The following SARAF variants were observed in gnomAD, a reference collection of about 807,000 sequenced individuals.
The protein encoded by SARAF is store-operated calcium entry-associated regulatory factor.
SARAF carries 23 observed loss-of-function variants against 39.7 expected under a neutral mutation model. The ratio of observed to expected loss-of-function variants is 0.58; its 90% CI spans 0.42 to 0.82. The LOEUF (loss-of-function observed/expected upper bound fraction) is 0.82, where lower values mean the gene tolerates loss of function less well. Ranked by LOEUF, SARAF falls within the 40% of genes least tolerant of loss-of-function variation. The pLI, the probability that SARAF is intolerant of heterozygous loss-of-function variation, is 0.00. For missense variants in SARAF, 384 were observed against 418.5 expected (o/e 0.92, Z 0.72); for synonymous variants, 175 against 168.5 (o/e 1.04, Z -0.30).
Position 30,074,019 on chromosome 8 carries a change from A to T in SARAF, c.140T>A (p.Leu47His). The T allele has an allele frequency of 6.2e-7, 1 of 1,613,928 alleles. No individual in the cohort carries two copies. The highest frequency in any genetic ancestry group is 8.5e-7 in the Non-Finnish European group (1 of 1,179,870). Residue 47 changes from leucine (L) to histidine (H), a missense_variant, in exon 2 of 6, where the codon CTC becomes CAC. Coordinates refer to ENST00000256255, the MANE Select transcript of SARAF (RefSeq NM_016127.6). ...MLLRDVKALT[L>H]HYDRYTTSRR... ...GGAGGTGGTATAGCGGTCATAGTGGAGGGTAAGAGCTTTTACATCCCGCAG... is the reference window on the plus strand; with the variant it reads ...GGAGGTGGTATAGCGGTCATAGTGGTGGGTAAGAGCTTTTACATCCCGCAG...
intron 5 of SARAF, among the ~76,000 whole-genome samples, chr8:30,064,790 T>A (rs995877703): frequency 2.6e-5 from 4 of 151,858 alleles, no homozygotes; most frequent in Non-Finnish European, 4.4e-5. Flanking sequence ...CTCGAACTCC[T>A]GACCTCAGGT....
At chr8:30,069,215 C>G (rs1457522777) in intron 3 of SARAF, among the ~76,000 whole-genome samples, 1 of 145,450 alleles carries the variant, frequency 6.9e-6, no homozygotes, top group East Asian at 2.1e-4. Context: ...TCTCGGCTCA[C>G]CGCAACCTCC....
At chr8:30,065,270 T>C (rs1801657878) in intron 5 of SARAF, among the ~76,000 whole-genome samples, 1 of 152,244 alleles carries the variant, frequency 6.6e-6, no homozygotes, top group Non-Finnish European at 1.5e-5. Context: ...AGAGCAAAAC[T>C]GCTCTGTCCT....
At chr8:30,081,834 T>C (rs565825660) in intron 1 of SARAF, among the ~76,000 whole-genome samples, 1 of 152,252 alleles carries the variant, frequency 6.6e-6, no homozygotes, top group African/African-American at 2.4e-5. Context: ...TACGTATTAA[T>C]TGCACGGAAT....
intron 1 of SARAF, among the ~76,000 whole-genome samples, chr8:30,076,905 G>A (rs987911450): frequency 1.3e-5 from 2 of 151,998 alleles, no homozygotes; most frequent in African/African-American, 4.8e-5. Flanking sequence ...CCCAGTCTGT[G>A]GTATTGTGTT....
rs140313706 is a variant in SARAF, at chr8:30,066,137, G to A, written c.845C>T (p.Ala282Val). Residue 282 changes from alanine (A) to valine (V), a missense_variant and splice_region_variant, in exon 5 of 6, where the codon GCG (alanine) becomes GTG (valine). Physicochemically the swap from Ala to Val is moderately conservative, Grantham distance 64 (BLOSUM62 0). Transcript: ENST00000256255. Reference protein sequence around the residue: ...ILGYLFGSNRAATPFSDSWYY... With the variant: ...ILGYLFGSNRVATPFSDSWYY... Reference sequence around the variant, plus strand: ...CCACGAGTCTGAGAAGGGTGTTGCCGCTCTTTAAAGGGATAAAAGTAGGTT... The same window carrying A: ...CCACGAGTCTGAGAAGGGTGTTGCCACTCTTTAAAGGGATAAAAGTAGGTT... 1.5e-4 allele frequency: 249 copies of A among 1,613,334 alleles called. 1 individual carries two copies. The highest frequency in any genetic ancestry group is 2.4e-4 in the South Asian group (22 of 90,994).
Position 30,082,924 on chromosome 8 carries a change from G to A in SARAF, c.26C>T (p.Ala9Val), listed in dbSNP as rs747585156. The A allele has an allele frequency of 2.8e-5, 43 of 1,549,720 alleles. No individual in the cohort carries two copies. The highest frequency in any genetic ancestry group is 3.7e-5 in the Non-Finnish European group (42 of 1,148,538). Residue 9 changes from alanine (A) to valine (V), a missense_variant, in exon 1 of 6, where the codon GCG becomes GTG. By Grantham distance (64) the Ala-to-Val change is moderately conservative (BLOSUM62 0). Transcript: ENST00000256255. ...GCCGAGGAGCAAGCAGTACCCGGCCGCTCCCGGCCCGCAGGCTGCGGCCAT... is the reference window on the plus strand; with the variant it reads ...GCCGAGGAGCAAGCAGTACCCGGCCACTCCCGGCCCGCAGGCTGCGGCCAT... MAAACGPGAAGYCLLLGLH... is the reference protein window; with the variant it reads MAAACGPGVAGYCLLLGLH...
intron 3 of SARAF, 28 bp from the exon 4 acceptor site, chr8:30,066,946 T>A (rs745491355): frequency 1.1e-5 from 17 of 1,544,882 alleles, no homozygotes; most frequent in Non-Finnish European, 1.2e-5. Flanking sequence ...TTATTATGTA[T>A]CCTCACTTAA....
At chr8:30,067,407 C>T (rs1287448060) in intron 3 of SARAF, among the ~76,000 whole-genome samples, 1 of 152,208 alleles carries the variant, frequency 6.6e-6, no homozygotes, top group Middle Eastern at 3.4e-3. Context: ...CTGATGTATA[C>T]ATATATATAA....
rs756340011 is a variant in SARAF, at chr8:30,066,027, C to T, written c.955G>A (p.Val319Ile). The T allele has an allele frequency of 2.5e-6, 4 of 1,613,982 alleles. No individual in the cohort carries two copies. The highest frequency in any genetic ancestry group is 2.7e-5 in the African/African-American group (2 of 74,898). Residue 319 changes from valine to isoleucine, a missense_variant, in exon 5 of 6, where the codon GTA becomes ATA. By Grantham distance (29) the Val-to-Ile change is conservative. Coordinates refer to ENST00000256255, the MANE Select transcript of SARAF (RefSeq NM_016127.6). ...GTTTTCGTGTCTGAGTTTGAACATA[C>T]CGAATAGCTGCCCGAGCCTCCATGA... ...PLHGGSGSYS[V>I]CSNSDTKTRT...
At chr8:30,066,740 A>G in intron 4 of SARAF, 37 bp downstream of exon 4, 1 of 1,560,618 alleles carries the variant, frequency 6.4e-7, no homozygotes, top group Non-Finnish European at 8.7e-7. Flanking sequence ...AAGCCTCTTG[A>G]ATTAAAGAGC....
At chr8:30,083,199 A>G (rs2117450777), upstream of SARAF, 2 of 379,516 alleles carry the variant, frequency 5.3e-6, no homozygotes, top group East Asian at 9.9e-5. Context: ...GGGCGGGGCG[A>G]GGCGGTGTGG....
At chr8:30,071,346 G>C (rs896149291) in intron 2 of SARAF, among the ~76,000 whole-genome samples, 2 of 152,084 alleles carry the variant, frequency 1.3e-5, no homozygotes, top group Non-Finnish European at 2.9e-5. Flanking sequence ...GGGAGACTCC[G>C]TCTCAAAAAA....
At chr8:30,083,117 C>T (rs978786664), upstream of SARAF, 1 of 516,542 alleles carries the variant, frequency 1.9e-6, no homozygotes, top group Admixed American at 4.3e-5. Context: ...CCCTACGTCA[C>T]TGCCGCTGCG....
rs1802146848 is a variant in SARAF, at chr8:30,083,019, G to T, written c.-70C>A. On this transcript the variant is annotated 5_prime_UTR_variant, in exon 1 of 6. Transcript: ENST00000256255. ...CGAACCTGGGTGCGGTAGCGCGCGC[G>T]ACGCTGCGCAGCTACACCGCTACCC... The T allele has an allele frequency of 1.6e-6, 2 of 1,214,052 alleles. No individual in the cohort carries two copies. The highest frequency in any genetic ancestry group is 2.3e-6 in the Non-Finnish European group (2 of 876,168). 75.2% of individuals were successfully genotyped at this position (1,214,052 alleles called of 1,614,324 possible).
intron 1 of SARAF, among the ~76,000 whole-genome samples, chr8:30,080,679 G>A (rs1362604410): frequency 6.6e-6 from 1 of 152,138 alleles, no homozygotes; most frequent in Non-Finnish European, 1.5e-5. Flanking sequence ...AAAATTCATT[G>A]GTAATCTCTT....
chr8:30,069,790 C>T lies in SARAF; in HGVS notation c.552G>A (p.Gly184=). ...SGLITIVVLL[G]IAFVVYKLFL... The stretch of plus-strand genomic sequence containing the variant: ...ACAGCTTATAGACTACAAACGCGAT[C>T]CCAAGGAGTACCACAATGGTAATCA... Residue 184 remains glycine, a synonymous_variant, in exon 3 of 6, where the codon GGG becomes GGA. Transcript: ENST00000256255. 1 of 1,614,060 alleles carries T rather than the reference C, an allele frequency of 6.2e-7. No individual in the cohort carries two copies. Among genetic ancestry groups the T allele is most frequent in the Non-Finnish European group, 8.5e-7 (1 of 1,179,994 alleles).
intron 1 of SARAF, among the ~76,000 whole-genome samples, chr8:30,076,012 C>A (rs868513580): frequency 0.011 from 1,024 of 92,768 alleles, 23 homozygotes; most frequent in Non-Finnish European, 0.012. Flanking sequence ...AAACAAAAAA[C>A]GGGAAATGGC....
intron 5 of SARAF, among the ~76,000 whole-genome samples, chr8:30,065,541 CTTTG>C (rs1801664810): frequency 6.6e-6 from 1 of 152,110 alleles, no homozygotes; most frequent in African/African-American, 2.4e-5. Context: ...CCAGTTATTC[CTTTG>C]TTTTTTTTGT....
Sources: gnomAD v4.1 joint callset for allele counts (sites outside exome capture counted in the v4.1 genomes callset) on GRCh38, gnomAD v4.1.1 for gene constraint, MANE v1.5 for transcripts, NCBI Gene and HGNC (gene_info 2026-07-23, HGNC 2026-07-21) for gene names.